Variants in SPTB observed in about 807,000 individuals in gnomAD.
The protein encoded by SPTB is spectrin beta, erythrocytic, also known as spectrin beta chain, erythrocytic.
Under a neutral mutation model 256.2 loss-of-function variants are expected in SPTB, and 45 were observed. That is an observed-to-expected ratio of 0.18 (90% CI 0.14 to 0.23). SPTB has a LOEUF of 0.23. Ranked by LOEUF, SPTB falls within the 10% of genes least tolerant of loss-of-function variation. The pLI, the probability that SPTB is intolerant of heterozygous loss-of-function variation, is 1.00. For missense variants in SPTB, 2,715 were observed against 3,040.4 expected (o/e 0.89, Z 2.52); for synonymous variants, 1,231 against 1,243.1 (o/e 0.99, Z 0.21).
Position 64,823,303 on chromosome 14 carries a change from G to A in SPTB, c.-51-158C>T, listed in dbSNP as rs945661878. Among the ~76,000 whole-genome samples the A allele has an allele frequency of 9.2e-5, 14 of 152,310 alleles. No individual in the cohort carries two copies. Among genetic ancestry groups the A allele is most frequent in the African/African-American group, 2.6e-4 (11 of 41,568 alleles). ...TGCTTCCTACCAGGGTCTCTGGGTCGTTTGTTATAAAATATTGCAGCAGCA... is the reference window on the plus strand; with the variant it reads ...TGCTTCCTACCAGGGTCTCTGGGTCATTTGTTATAAAATATTGCAGCAGCA... On this transcript the variant is annotated intron_variant, in intron 1 of 35. Coordinates refer to ENST00000644917, the MANE Select transcript of SPTB (RefSeq NM_001355436.2). This position sits in a 1 kb window ranked among gnomAD's most constrained non-coding sequence, Gnocchi z 6.5.
rs561915612 is a variant in SPTB, at chr14:64,778,527, A to G, written c.4563+630T>C. 2.0e-5 allele frequency among the ~76,000 whole-genome samples: 3 copies of G among 152,244 alleles called. No homozygotes were observed. In the South Asian group the frequency reaches 6.2e-4, roughly 32 times the overall value. The stretch of plus-strand genomic sequence containing the variant: ...AGGCTCCCACTGCAGCCCTGACCCA[A>G]GAGGGAGTGCTTGGCATCTGCTCAC... On this transcript the variant is annotated intron_variant, in intron 22 of 35. Coordinates refer to ENST00000644917, the MANE Select transcript of SPTB (RefSeq NM_001355436.2). The surrounding 1 kb of genome is among the most constrained non-coding windows in gnomAD (Gnocchi z 5.2).
Position 64,749,764 on chromosome 14 carries a change from C to G in SPTB, c.6777-68G>C, listed in dbSNP as rs2081915106. The G allele has an allele frequency of 1.3e-6, 2 of 1,583,492 alleles. No homozygotes were observed. The highest frequency in any genetic ancestry group is 8.6e-7 in the Non-Finnish European group (1 of 1,160,982). Reference sequence around the variant, plus strand: ...GGGGGCGCTGGGCAGAGGGCTGGCTCTGATCCCACAATACCCTGAGCCGAA... The same window carrying G: ...GGGGGCGCTGGGCAGAGGGCTGGCTGTGATCCCACAATACCCTGAGCCGAA... On this transcript the variant is annotated intron_variant, in intron 34 of 35. Transcript: ENST00000644917. The surrounding 1 kb of genome is among the most constrained non-coding windows in gnomAD (Gnocchi z 4.7).
At position 64,749,215 on chromosome 14, in the gene SPTB, T is replaced by C. The variant is rs552641164; in HGVS notation, c.*91A>G. On this transcript the variant is annotated 3_prime_UTR_variant, in exon 36 of 36. Coordinates refer to ENST00000644917, the MANE Select transcript of SPTB (RefSeq NM_001355436.2). The surrounding 1 kb of genome is among the most constrained non-coding windows in gnomAD (Gnocchi z 4.7). ...GGCCCGCGACTCGACTCATCTCGAT[T>C]CGACCGGCGGGCGGCGGCGAGAGGA... 1.3e-4 allele frequency: 186 copies of C among 1,469,832 alleles called. No homozygotes were observed. In the African/African-American group the frequency reaches 2.5e-3, roughly 20 times the overall value. 91.0% of individuals were successfully genotyped at this position (1,469,832 alleles called of 1,614,324 possible). A position where few individuals can be genotyped will look rare whatever the true frequency, so the allele number is the denominator to read the frequency against.
At chr14:64,809,793 A>T (rs1158399176) in intron 2 of SPTB, among the ~76,000 whole-genome samples, 2 of 152,212 alleles carry the variant, frequency 1.3e-5, no homozygotes, top group Non-Finnish European at 2.9e-5. Context: ...TTCAGATTAC[A>T]TCTCAAAGGA....
In SPTB at chr14:64,775,167, A is replaced by T. The variant is rs2082337687; in HGVS notation, c.4800T>A (p.Ile1600=). Residue 1600 remains isoleucine, a synonymous_variant, in exon 23 of 36, where the codon ATT becomes ATA. Coordinates refer to ENST00000644917, the MANE Select transcript of SPTB (RefSeq NM_001355436.2). This position sits in a 1 kb window ranked among gnomAD's most constrained non-coding sequence, Gnocchi z 5.0. ...YLDADEAEAW[I]GEQELYVISD... ...AGATGACGTAGAGCTCCTGCTCGCC[A>T]ATCCAGGCCTCAGCCTCGTCTGCAT... 1.2e-6 allele frequency: 2 copies of T among 1,613,966 alleles called. No individual in the cohort carries two copies. The highest frequency in any genetic ancestry group is 1.7e-6 in the Non-Finnish European group (2 of 1,180,032).
chr14:64,861,389 T>C (rs2083967887), intron 1 of SPTB, among the ~76,000 whole-genome samples: 1 of 152,080 alleles, frequency 6.6e-6, no homozygotes, highest in African/African-American at 2.4e-5. Context: ...CTCATATAAG[T>C]GGGGAATGCC....
intron 33 of SPTB, among the ~76,000 whole-genome samples, chr14:64,753,019 C>A (rs757580232): frequency 3.0e-4 from 45 of 152,230 alleles, no homozygotes; most frequent in Non-Finnish European, 5.9e-4. Flanking sequence ...TTAGAAGGGA[C>A]CTCTGGGGGG....
At chr14:64,855,666 T>C (rs2649194) in intron 1 of SPTB, among the ~76,000 whole-genome samples, 11,193 of 152,210 alleles carry the variant, frequency 0.074, 1,468 homozygotes, top group African/African-American at 0.25. Context: ...GATTTGGATT[T>C]TCCACTCAAT....
chr14:64,815,841 T>C (rs1296294195), intron 2 of SPTB, among the ~76,000 whole-genome samples: 1 of 152,174 alleles, frequency 6.6e-6, no homozygotes, highest in Non-Finnish European at 1.5e-5. Context: ...TTGGGCGTCA[T>C]CTAGTTCAAG....
chr14:64,761,849 T>C (rs1324626952), intron 32 of SPTB, among the ~76,000 whole-genome samples: 1 of 152,028 alleles, frequency 6.6e-6, no homozygotes, highest in East Asian at 1.9e-4. Flanking sequence ...GACTCCCCCA[T>C]CCAGATCTGC....
intron 1 of SPTB, among the ~76,000 whole-genome samples, chr14:64,837,678 T>C (rs974727137): frequency 2.0e-5 from 3 of 152,220 alleles, no homozygotes; most frequent in Admixed American, 6.5e-5. Flanking sequence ...CTCAGCTCAC[T>C]GCAACCTCTG....
chr14:64,801,650 C>G (rs1357382156), intron 6 of SPTB, 104 bp downstream of exon 6: 7 of 1,215,872 alleles, frequency 5.8e-6, no homozygotes, highest in South Asian at 4.8e-5. Context: ...GGAGAAGGAA[C>G]AGCAGAGGTC....
rs1308463820 is a variant in SPTB, at chr14:64,826,729, C to T, written c.-51-3584G>A. Among the ~76,000 whole-genome samples, 1 of 152,110 alleles carries T rather than the reference C, an allele frequency of 6.6e-6. No individual in the cohort carries two copies. The highest frequency in any genetic ancestry group is 6.6e-5 in the Admixed American group (1 of 15,266). Reference sequence around the variant, plus strand: ...GTGTAGGTGGGTCTTCTCTGGTCTCCGTGACTCTGTGCCCAGAGAGGTCCA... The same window carrying T: ...GTGTAGGTGGGTCTTCTCTGGTCTCTGTGACTCTGTGCCCAGAGAGGTCCA... On this transcript the variant is annotated intron_variant, in intron 1 of 35. Coordinates refer to ENST00000644917, the MANE Select transcript of SPTB (RefSeq NM_001355436.2). This position sits in a 1 kb window ranked among gnomAD's most constrained non-coding sequence, Gnocchi z 4.4.
At chr14:64,804,015 C>T (rs1230031102) in intron 3 of SPTB, among the ~76,000 whole-genome samples, 4 of 152,366 alleles carry the variant, frequency 2.6e-5, no homozygotes, top group East Asian at 1.9e-4. Context: ...CCTTCTGGGG[C>T]TGAACAAAGC....
At chr14:64,770,429 T>C (rs2139492725) in intron 27 of SPTB, among the ~76,000 whole-genome samples, 1 of 152,294 alleles carries the variant, frequency 6.6e-6, no homozygotes, top group Admixed American at 6.5e-5. Context: ...GGCAGAGTGG[T>C]CTGATCTCTG....
rs371628169 is a variant in SPTB at position 64,806,879 on chromosome 14, T to C, written c.149-1789A>G. On this transcript the variant is annotated intron_variant, in intron 2 of 35. Transcript: ENST00000644917. The surrounding 1 kb of genome is among the most constrained non-coding windows in gnomAD (Gnocchi z 4.1). ...GAAAAGTACTACTACTGACTGTGAA[T>C]CCTAAATACATGTAAAATTTAAACG... 1.7e-4 allele frequency among the ~76,000 whole-genome samples: 26 copies of C among 149,974 alleles called. No homozygotes were observed. Among genetic ancestry groups the C allele is most frequent in the African/African-American group, 5.4e-4 (22 of 40,384 alleles).
rs200617821 is a variant in SPTB, at chr14:64,772,846, T to C, written c.5287A>G (p.Ser1763Gly). The change falls in exon 26 of 36, where the codon AGC (serine) becomes GGC (glycine). Residue 1763 changes from serine to glycine, a missense_variant. Physicochemically the swap from Ser to Gly is moderately conservative, Grantham distance 56. Coordinates refer to ENST00000644917, the MANE Select transcript of SPTB (RefSeq NM_001355436.2). The surrounding 1 kb of genome is among the most constrained non-coding windows in gnomAD (Gnocchi z 5.4). ...FIERLIDAGH[S>G]EAATIAEWKD... ...CACTCGGCGATGGTGGCCGCCTCGC[T>C]GTGGCCCGCGTCGATGAGTCGCTCG... is the stretch of plus-strand genomic sequence containing the variant. 5.8e-5 allele frequency: 94 copies of C among 1,613,510 alleles called. No individual in the cohort carries two copies. Among genetic ancestry groups the C allele is most frequent in the Middle Eastern group, 3.3e-4 (2 of 6,084 alleles).
chr14:64,854,207 A>C, intron 1 of SPTB, among the ~76,000 whole-genome samples: 1 of 151,268 alleles, frequency 6.6e-6, no homozygotes, highest in South Asian at 2.1e-4. Flanking sequence ...AAAACAAAAC[A>C]AAACAAACAA....
At position 64,832,113 on chromosome 14, in the gene SPTB, C is replaced by A. The variant is rs1009757753; in HGVS notation, c.-51-8968G>T. 4.6e-5 allele frequency among the ~76,000 whole-genome samples: 7 copies of A among 152,138 alleles called. No individual in the cohort carries two copies. The East Asian group carries it at 1.3e-3, about 29-fold the overall frequency. The stretch of plus-strand genomic sequence containing the variant: ...CTCAGCCCTCCTCTCCAGAGATAAA[C>A]ATAGATACAGTGTACTTATCTATAT... On this transcript the variant is annotated intron_variant, in intron 1 of 35. Transcript: ENST00000644917.
Sources: allele counts gnomAD v4.1 joint callset (sites outside exome capture counted in the v4.1 genomes callset), GRCh38; gene constraint gnomAD v4.1.1; non-coding constraint Gnocchi (gnomAD v3.1); transcripts MANE v1.5; gene names NCBI Gene and HGNC (gene_info 2026-07-23, HGNC 2026-07-21).